PPP2R2B: variants seen among roughly 807,000 people sequenced by gnomAD.
PPP2R2B encodes the protein protein phosphatase 2 regulatory subunit Bbeta, also known as serine/threonine-protein phosphatase 2A 55 kDa regulatory subunit B beta isoform.
A neutral mutation model predicts 46.0 loss-of-function variants in PPP2R2B; 5 were observed. That is an observed-to-expected ratio of 0.11 (90% CI 0.06 to 0.23). The LOEUF is 0.23. Ranked by LOEUF, PPP2R2B falls within the 10% of genes least tolerant of loss-of-function variation. The pLI, the probability that PPP2R2B is intolerant of heterozygous loss-of-function variation, is 1.00. For missense variants in PPP2R2B, 367 were observed against 575.0 expected, an observed-to-expected ratio of 0.64 and a Z score of 3.70; for synonymous variants, 215 against 206.7, an observed-to-expected ratio of 1.04 and a Z score of -0.34.
upstream of PPP2R2B, among the ~76,000 whole-genome samples, chr5:146,880,169 C>T (rs1428146835): frequency 1.4e-5 from 2 of 142,992 alleles, no homozygotes; most frequent in African/African-American, 2.6e-5. Context: ...TGTTCCTTGA[C>T]ATAGTTATTT....
At chr5:147,003,086 C>T (rs938127233) in intron 1 of PPP2R2B, among the ~76,000 whole-genome samples, 4 of 152,002 alleles carry the variant, frequency 2.6e-5, no homozygotes, top group African/African-American at 9.7e-5. Context: ...CTTTTCTGTA[C>T]GAGGGAAGGC....
intron 1 of PPP2R2B, among the ~76,000 whole-genome samples, chr5:146,887,550 C>T (rs979154058): frequency 2.0e-5 from 3 of 152,108 alleles, no homozygotes; most frequent in Admixed American, 2.0e-4. Context: ...GCATTTTCCC[C>T]TAAAACTAGT....
chr5:146,662,728 T>A (rs531558950), intron 5 of PPP2R2B, among the ~76,000 whole-genome samples: 312 of 152,296 alleles, frequency 2.0e-3, no homozygotes, highest in African/African-American at 6.3e-3. Flanking sequence ...ATGTTAATTT[T>A]AAAAATTCTG....
intron 2 of PPP2R2B, among the ~76,000 whole-genome samples, chr5:146,729,549 G>A (rs910939615): frequency 3.3e-5 from 5 of 152,210 alleles, no homozygotes; most frequent in African/African-American, 4.8e-5. Context: ...TCCCATCACA[G>A]GCCCAGAGGC....
At chr5:146,975,549 A>C (rs1162510868) in intron 1 of PPP2R2B, among the ~76,000 whole-genome samples, 2 of 152,210 alleles carry the variant, frequency 1.3e-5, no homozygotes, top group Admixed American at 6.5e-5. Flanking sequence ...ATCATATGGT[A>C]ACTCAATTTT....
At chr5:146,946,452 C>T (rs535503124) in intron 1 of PPP2R2B, among the ~76,000 whole-genome samples, 1 of 152,216 alleles carries the variant, frequency 6.6e-6, no homozygotes, top group East Asian at 1.9e-4. Flanking sequence ...TTTCAAAAGG[C>T]AGTGCAATCA....
intron 1 of PPP2R2B, among the ~76,000 whole-genome samples, chr5:146,985,009 TTC>T (rs1009840421): frequency 1.4e-5 from 2 of 143,582 alleles, no homozygotes; most frequent in African/African-American, 5.1e-5. Flanking sequence ...TGCAAATATT[TTC>T]TTTTTCTTTT....
chr5:146,743,406 T>G (rs981390745), intron 2 of PPP2R2B, among the ~76,000 whole-genome samples: 1 of 152,202 alleles, frequency 6.6e-6, no homozygotes, highest in Non-Finnish European at 1.5e-5. Context: ...AGGCATCATA[T>G]TCAGCACTCC....
Position 146,586,953 on chromosome 5 carries a change from A to G in PPP2R2B, c.*2994T>C, listed in dbSNP as rs1009157440. On this transcript the variant is annotated 3_prime_UTR_variant, in exon 10 of 10. Coordinates refer to ENST00000394411, the MANE Select transcript of PPP2R2B (RefSeq NM_181675.4). Reference sequence around the variant, plus strand: ...TAACGTCAGGAACTGAATGTTGCGCAAGGATGGTTTTTGTAAAAGCCAGGG... The same window carrying G: ...TAACGTCAGGAACTGAATGTTGCGCGAGGATGGTTTTTGTAAAAGCCAGGG... 4 of 152,124 alleles carry G rather than the reference A, an allele frequency of 2.6e-5. No homozygotes were observed. The highest frequency in any genetic ancestry group is 7.2e-5 in the African/African-American group (3 of 41,440). The allele number at this position is 152,124 out of a possible 1,614,324, so 9.4% of individuals were successfully genotyped here.
chr5:146,785,666 C>G (rs1486433809), intron 2 of PPP2R2B, among the ~76,000 whole-genome samples: 2 of 152,144 alleles, frequency 1.3e-5, no homozygotes, highest in African/African-American at 4.8e-5. Context: ...AAAATAATAA[C>G]TAGCAAAAAT....
intron 1 of PPP2R2B, among the ~76,000 whole-genome samples, chr5:146,951,504 C>T (rs915588684): frequency 1.3e-5 from 2 of 151,928 alleles, no homozygotes; most frequent in African/African-American, 2.4e-5. Context: ...ATGCTCTCCC[C>T]CATCTCCCGA....
At chr5:146,670,869 C>T (rs1193493727) in intron 5 of PPP2R2B, among the ~76,000 whole-genome samples, 1 of 151,940 alleles carries the variant, frequency 6.6e-6, no homozygotes, top group East Asian at 1.9e-4. Flanking sequence ...TACACTGTAA[C>T]ACATGGAAAA....
intron 7 of PPP2R2B, among the ~76,000 whole-genome samples, chr5:146,625,140 T>C (rs1773962126): frequency 6.6e-6 from 1 of 152,228 alleles, no homozygotes; most frequent in Non-Finnish European, 1.5e-5. Context: ...TTCTTTTACT[T>C]TGCCTGCAAA....
chr5:146,654,107 G>C (rs1776166490), intron 5 of PPP2R2B, among the ~76,000 whole-genome samples: 1 of 152,174 alleles, frequency 6.6e-6, no homozygotes, highest in Non-Finnish European at 1.5e-5. Context: ...CAATTGTTAA[G>C]GTTGTCTCTG....
chr5:146,619,218 C>T (rs1773468996), intron 7 of PPP2R2B, among the ~76,000 whole-genome samples: 3 of 151,696 alleles, frequency 2.0e-5, no homozygotes, highest in African/African-American at 7.3e-5. Context: ...ACTAGAGTGT[C>T]CACACCCTAT....
intron 1 of PPP2R2B, among the ~76,000 whole-genome samples, chr5:146,955,532 C>T (rs1400524506): frequency 6.6e-6 from 1 of 152,110 alleles, no homozygotes; most frequent in Non-Finnish European, 1.5e-5. Context: ...TCTCCATATG[C>T]TAGTAGTACT....
intron 1 of PPP2R2B, among the ~76,000 whole-genome samples, chr5:146,909,753 T>C (rs1431990966): frequency 6.6e-6 from 1 of 152,200 alleles, no homozygotes; most frequent in Non-Finnish European, 1.5e-5. Context: ...GCTGGTTCTG[T>C]GTTTCAATTA....
rs764543835 is a variant in PPP2R2B, at chr5:146,812,724, T to TTATATA, written c.70+65272_70+65277dup. 3.5e-3 allele frequency among the ~76,000 whole-genome samples: 53 copies of TTATATA among 15,066 alleles called. 5 individuals are homozygous for TTATATA. The highest frequency in any genetic ancestry group is 0.01 in the South Asian group (3 of 288). 9.9% of individuals were successfully genotyped at this position (15,066 alleles called of 152,430 possible). A position where few individuals can be genotyped will look rare whatever the true frequency, so the allele number is the denominator to read the frequency against. ...ATACACTGCTATCACTAGAGTTACT[T>TTATATA]TATATATATATATATATATATACTG... is the stretch of plus-strand genomic sequence containing the variant. On this transcript the variant is annotated intron_variant, in intron 2 of 9. Coordinates refer to ENST00000394411, the MANE Select transcript of PPP2R2B (RefSeq NM_181675.4).
At chr5:147,003,527 A>G (rs1561569644) in intron 1 of PPP2R2B, among the ~76,000 whole-genome samples, 1 of 152,176 alleles carries the variant, frequency 6.6e-6, no homozygotes, top group Non-Finnish European at 1.5e-5. Context: ...TGTTAGATCA[A>G]ACCCTGGCCT....
Sources: gnomAD v4.1 joint callset for allele counts (sites outside exome capture counted in the v4.1 genomes callset) on GRCh38, gnomAD v4.1.1 for gene constraint, MANE v1.5 for transcripts, NCBI Gene and HGNC (gene_info 2026-07-23, HGNC 2026-07-21) for gene names.